Variants in CSTF3 observed in about 807,000 individuals in gnomAD.
CSTF3 encodes CF-1 77 kDa subunit.
A neutral mutation model predicts 105.8 loss-of-function variants in CSTF3; 29 were observed. The observed-to-expected ratio is 0.27, with a 90% CI of 0.20 to 0.37. CSTF3 has a LOEUF of 0.37. Ranked by LOEUF, CSTF3 falls within the 10% of genes least tolerant of loss-of-function variation. CSTF3 has a pLI of 1.00. For missense variants in CSTF3, 357 were observed against 879.3 expected (o/e 0.41, Z 7.51); for synonymous variants, 252 against 281.9 (o/e 0.89, Z 1.06).
chr11:33,113,084 G>A (rs973677221), intron 3 of CSTF3, among the ~76,000 whole-genome samples: 2 of 152,008 alleles, frequency 1.3e-5, no homozygotes, highest in African/African-American at 4.8e-5. Context: ...GCGCATGCCT[G>A]TAGTCCCAGC....
At chr11:33,100,037 G>A (rs906127524) in intron 10 of CSTF3, among the ~76,000 whole-genome samples, 1 of 151,800 alleles carries the variant, frequency 6.6e-6, no homozygotes, top group Non-Finnish European at 1.5e-5. Flanking sequence ...GAGACCAGGC[G>A]TGTGCCACCA....
At chr11:33,091,693 G>GGA (rs373686684) in intron 16 of CSTF3, among the ~76,000 whole-genome samples, 2 of 151,806 alleles carry the variant, frequency 1.3e-5, no homozygotes, top group African/African-American at 2.4e-5. Context: ...CAATTTCTAG[G>GGA]GAGAGAGAGA....
chr11:33,126,402 T>C (rs982761704), intron 3 of CSTF3, among the ~76,000 whole-genome samples: 4 of 151,476 alleles, frequency 2.6e-5, no homozygotes, highest in African/African-American at 7.3e-5. Flanking sequence ...GTGAGCGGAG[T>C]TCAAGCGACC....
intron 1 of CSTF3, among the ~76,000 whole-genome samples, chr11:33,158,822 A>AAAGC (rs1156882167): frequency 2.6e-5 from 4 of 152,190 alleles, no homozygotes; most frequent in South Asian, 2.1e-4. Flanking sequence ...CCCCAAACCA[A>AAAGC]AAGCAAGCAA....
At chr11:33,119,577 A>C (rs951535931) in intron 3 of CSTF3, among the ~76,000 whole-genome samples, 2 of 151,790 alleles carry the variant, frequency 1.3e-5, no homozygotes, top group African/African-American at 4.8e-5. Flanking sequence ...TCTAGTTTTT[A>C]CCTATTAGTA....
Position 33,127,301 on chromosome 11 carries a change from A to G in CSTF3, c.225+14366T>C, listed in dbSNP as rs190852318. The stretch of plus-strand genomic sequence containing the variant: ...AAAAACCTGATTCTTAAACATACAA[A>G]TGTTAGGCTTTTCACATAATTACTA... On this transcript the variant is annotated intron_variant, in intron 3 of 20. Coordinates refer to ENST00000323959, the MANE Select transcript of CSTF3 (RefSeq NM_001326.3). Among the ~76,000 whole-genome samples the G allele has an allele frequency of 4.3e-4, 66 of 152,308 alleles. 2 individuals carry two copies. The East Asian group carries it at 0.012, about 28-fold the overall frequency.
chr11:33,100,548 C>T (rs1167582849), intron 10 of CSTF3, among the ~76,000 whole-genome samples: 5 of 152,008 alleles, frequency 3.3e-5, no homozygotes, highest in African/African-American at 4.8e-5. Flanking sequence ...GTGGAAGGCA[C>T]GGTGAATATA....
chr11:33,159,915 G>A (rs549219205), intron 1 of CSTF3, among the ~76,000 whole-genome samples: 1 of 152,016 alleles, frequency 6.6e-6, no homozygotes, highest in Non-Finnish European at 1.5e-5. Context: ...ACCTTTGGGA[G>A]AAATTATTTT....
chr11:33,092,748 A>G (rs1855182267), intron 15 of CSTF3, among the ~76,000 whole-genome samples: 1 of 152,204 alleles, frequency 6.6e-6, no homozygotes, highest in Non-Finnish European at 1.5e-5. Flanking sequence ...AGGATGGCAA[A>G]CTCAAACTTA....
chr11:33,146,525 C>T (rs551223053), intron 1 of CSTF3, among the ~76,000 whole-genome samples: 16 of 151,684 alleles, frequency 1.1e-4, no homozygotes, highest in Admixed American at 3.3e-4. Context: ...TGCACTCTAC[C>T]CCGAGTAAGA....
intron 15 of CSTF3, among the ~76,000 whole-genome samples, chr11:33,095,843 T>A (rs1855217938): frequency 6.6e-6 from 1 of 151,640 alleles, no homozygotes; most frequent in Admixed American, 6.6e-5. Flanking sequence ...AATAAATAAA[T>A]AAATAAATAA....
At chr11:33,145,073 A>C (rs1479045188) in intron 1 of CSTF3, 1 of 152,676 alleles carries the variant, frequency 6.5e-6, no homozygotes, top group Admixed American at 6.6e-5. Flanking sequence ...ACGTAAAAAA[A>C]ACCTCCAACA....
At position 33,141,761 on chromosome 11, in the gene CSTF3, T is replaced by C. The variant is rs770748628; in HGVS notation, c.131A>G (p.Asn44Ser). 5.7e-6 allele frequency: 9 copies of C among 1,585,196 alleles called. No individual in the cohort carries two copies. In the Middle Eastern group the frequency reaches 5.1e-4, roughly 89 times the overall value. ...CTTCCGTGCTTTGTCTATAGGTTGA[T>C]TCTAAAATTGAAAACCAATAAACAG... ...AWSILIREAQ[N>S]QPIDKARKTY... is the part of the protein sequence containing the mutation. Residue 44 changes from asparagine to serine, a missense_variant and splice_region_variant, in exon 3 of 21, where the codon AAT (asparagine) becomes AGT (serine). Asn to Ser is a conservative substitution (Grantham distance 46). Around this residue, in one of 4 missense-constraint regions of CSTF3, gnomAD observed 78 missense variants for 180.4 expected, o/e 0.43. Coordinates refer to ENST00000323959, the MANE Select transcript of CSTF3 (RefSeq NM_001326.3).
intron 1 of CSTF3, among the ~76,000 whole-genome samples, chr11:33,153,560 G>A (rs1306287640): frequency 6.6e-6 from 1 of 151,870 alleles, no homozygotes; most frequent in Admixed American, 6.6e-5. Flanking sequence ...AGTCCTTGAG[G>A]CCAGGACGTT....
chr11:33,105,615 C>T lies in CSTF3; in HGVS notation c.537G>A (p.Pro179=), dbSNP rs751248526. The T allele has an allele frequency of 1.7e-5, 28 of 1,612,846 alleles. No individual in the cohort carries two copies. The highest frequency in any genetic ancestry group is 1.3e-4 in the Admixed American group (8 of 59,992). ...TCCAGAGCTGTTCAATGTTGATCATCGGATTAACACAACCTCGTTGATAAA... is the reference window on the plus strand; with the variant it reads ...TCCAGAGCTGTTCAATGTTGATCATTGGATTAACACAACCTCGTTGATAAA... The part of the protein sequence containing the change: ...RRVYQRGCVN[P]MINIEQLWRD... Residue 179 remains proline, a synonymous_variant, in exon 8 of 21, where the codon CCG becomes CCA. Coordinates refer to ENST00000323959, the MANE Select transcript of CSTF3 (RefSeq NM_001326.3).
intron 3 of CSTF3, among the ~76,000 whole-genome samples, chr11:33,114,985 C>T (rs999209603): frequency 6.6e-6 from 1 of 152,128 alleles, no homozygotes; most frequent in African/African-American, 2.4e-5. Flanking sequence ...TGGGACAAGT[C>T]AACACTTAGG....
intron 3 of CSTF3, among the ~76,000 whole-genome samples, chr11:33,129,661 A>C (rs1855579263): frequency 6.6e-6 from 1 of 152,120 alleles, no homozygotes; most frequent in Admixed American, 6.5e-5. Context: ...CCACATACAA[A>C]ATTACTTTCC....
At chr11:33,139,740 G>A (rs1220776363) in intron 3 of CSTF3, among the ~76,000 whole-genome samples, 1 of 151,734 alleles carries the variant, frequency 6.6e-6, no homozygotes, top group African/African-American at 2.4e-5. Flanking sequence ...ATACCTATTT[G>A]TGCGCGTGTG....
At chr11:33,090,063 CCT>C (rs1439443228) in intron 17 of CSTF3, among the ~76,000 whole-genome samples, 1 of 152,138 alleles carries the variant, frequency 6.6e-6, no homozygotes, top group East Asian at 1.9e-4. Flanking sequence ...AATACAAATC[CCT>C]CAAGGAACTT....
Sources: allele counts gnomAD v4.1 joint callset (sites outside exome capture counted in the v4.1 genomes callset), GRCh38; gene constraint gnomAD v4.1.1; regional missense constraint gnomAD v4.1.1; transcripts MANE v1.5; gene names NCBI Gene and HGNC (gene_info 2026-07-23, HGNC 2026-07-21).